The following PIAS1 variants were observed in gnomAD, a reference collection of about 807,000 sequenced individuals.
The protein encoded by PIAS1 is protein inhibitor of activated STAT 1.
Under a neutral mutation model 71.3 loss-of-function variants are expected in PIAS1, and 6 were observed. The ratio of observed to expected loss-of-function variants is 0.08; its 90% CI spans 0.05 to 0.17. The LOEUF is 0.17. Ranked by LOEUF, PIAS1 falls within the 10% of genes least tolerant of loss-of-function variation. The pLI is 1.00. For missense variants in PIAS1, 555 were observed against 793.6 expected, an observed-to-expected ratio of 0.70 and a Z score of 3.61; for synonymous variants, 303 against 292.9, an observed-to-expected ratio of 1.03 and a Z score of -0.35.
intron 11 of PIAS1, among the ~76,000 whole-genome samples, chr15:68,177,795 T>C (rs1263792947): frequency 3.3e-5 from 5 of 152,220 alleles, no homozygotes; most frequent in East Asian, 1.9e-4. Flanking sequence ...CTAATTGTGC[T>C]GAAGCACAAT....
chr15:68,067,144 G>T (rs973530968), intron 1 of PIAS1, among the ~76,000 whole-genome samples: 2 of 152,188 alleles, frequency 1.3e-5, no homozygotes, highest in African/African-American at 4.8e-5. Context: ...TGGTTCAGTT[G>T]TTCCAGTAAT....
Position 68,120,888 on chromosome 15 carries a change from G to A in PIAS1, c.470-21058G>A, listed in dbSNP as rs942017683. Among the ~76,000 whole-genome samples the A allele has an allele frequency of 9.7e-4, 147 of 152,020 alleles. 1 individual carries two copies. Among genetic ancestry groups the A allele is most frequent in the Non-Finnish European group, 4.9e-4 (33 of 67,966 alleles). The stretch of plus-strand genomic sequence containing the variant: ...CAGGCTGGTCTTGAACTCCTGACTC[G>A]GCCTCGCAAAGTGCTGGGATTACAG... On this transcript the variant is annotated intron_variant, in intron 2 of 13. Coordinates refer to ENST00000249636, the MANE Select transcript of PIAS1 (RefSeq NM_016166.3).
chr15:68,150,161 T>A (rs969993832), intron 6 of PIAS1, among the ~76,000 whole-genome samples: 1 of 152,162 alleles, frequency 6.6e-6, no homozygotes, highest in Non-Finnish European at 1.5e-5. Context: ...GAGTTCCCTT[T>A]TTCCTCCTTT....
At chr15:68,159,326 C>T (rs1446715633) in intron 7 of PIAS1, among the ~76,000 whole-genome samples, 2 of 152,040 alleles carry the variant, frequency 1.3e-5, no homozygotes, top group East Asian at 3.9e-4. Context: ...TAGTGCTTTT[C>T]CCCTCCGTTT....
chr15:68,100,246 A>G (rs1814474924), intron 2 of PIAS1, among the ~76,000 whole-genome samples: 1 of 152,216 alleles, frequency 6.6e-6, no homozygotes, highest in Non-Finnish European at 1.5e-5. Context: ...CCAAACTAGG[A>G]CATAACATTG....
rs761928156 is a variant in PIAS1, at chr15:68,176,466, C to T, written c.1301-8C>T. 1.1e-5 allele frequency: 18 copies of T among 1,566,932 alleles called. No homozygotes were observed. The South Asian group carries it at 2.1e-4, about 19-fold the overall frequency. On this transcript the variant is annotated splice_region_variant and splice_polypyrimidine_tract_variant and intron_variant, in intron 10 of 13. Coordinates refer to ENST00000249636, the MANE Select transcript of PIAS1 (RefSeq NM_016166.3). ...CCCTTGCCTTGTATTTTAATCATTC[C>T]CATATAGGATGCTTGAGCTCCACAT...
intron 1 of PIAS1, among the ~76,000 whole-genome samples, chr15:68,072,508 A>G (rs964044294): frequency 2.0e-5 from 3 of 151,828 alleles, no homozygotes; most frequent in African/African-American, 4.8e-5. Context: ...ACTATGTTGA[A>G]TGCTATAAAG....
At position 68,105,813 on chromosome 15, in the gene PIAS1, A is replaced by AT. The variant is rs1156414277; in HGVS notation, c.469+19071dup. The stretch of plus-strand genomic sequence containing the variant: ...TAGCAAAACGCCATCTCTAAAAAAA[A>AT]TTTTTTTTAAATAAATAACTAACAG... On this transcript the variant is annotated intron_variant, in intron 2 of 13. Transcript: ENST00000249636. 3.3e-5 allele frequency among the ~76,000 whole-genome samples: 5 copies of AT among 152,158 alleles called. 1 individual carries two copies. In the South Asian group the frequency reaches 8.3e-4, roughly 25 times the overall value.
In PIAS1 at chr15:68,173,434, T is replaced by G. The variant is rs2093003667; in HGVS notation, c.1009-298T>G. 6.6e-6 allele frequency among the ~76,000 whole-genome samples: 1 copy of G among 152,134 alleles called. No individual in the cohort carries two copies. The highest frequency in any genetic ancestry group is 1.5e-5 in the Non-Finnish European group (1 of 68,008). Reference sequence around the variant, plus strand: ...TGCACACACGAAATTTTGAATGTAATTCAAGGGGTTTATGACCCTCTCCAC... The same window carrying G: ...TGCACACACGAAATTTTGAATGTAAGTCAAGGGGTTTATGACCCTCTCCAC... On this transcript the variant is annotated intron_variant, in intron 8 of 13. Coordinates refer to ENST00000249636, the MANE Select transcript of PIAS1 (RefSeq NM_016166.3). The surrounding 1 kb of genome is among the most constrained non-coding windows in gnomAD (Gnocchi z 4.3).
rs1304352528 is a variant in PIAS1 at position 68,193,314 on chromosome 15, C to G, written c.*5479C>G. ...TGGGGTGTAAAGTAGATCGCTCTTC[C>G]TGCTCTCAGCTGATGCTGCCTCATT... is the stretch of plus-strand genomic sequence containing the variant. On this transcript the variant is annotated 3_prime_UTR_variant, in exon 14 of 14. Coordinates refer to ENST00000249636, the MANE Select transcript of PIAS1 (RefSeq NM_016166.3). 2 of 152,326 alleles carry G rather than the reference C, an allele frequency of 1.3e-5. No individual in the cohort carries two copies. The highest frequency in any genetic ancestry group is 3.8e-4 in the East Asian group (2 of 5,208). 9.4% of individuals were successfully genotyped at this position (152,326 alleles called of 1,614,324 possible).
Position 68,142,301 on chromosome 15 carries a change from G to C in PIAS1, c.566G>C (p.Gly189Ala). ...TCTGTCTCTTCTAGGGATATTTCTG[G>C]GACCAAATGTGACTTCACAGTACAG... Reference protein sequence around the residue: ...QQISSSMDISGTKCDFTVQVQ... With the variant: ...QQISSSMDISATKCDFTVQVQ... Residue 189 changes from glycine (G) to alanine (A), a missense_variant, in exon 4 of 14, where the codon GGG (glycine) becomes GCG (alanine). Physicochemically the swap from Gly to Ala is moderately conservative, Grantham distance 60. Coordinates refer to ENST00000249636, the MANE Select transcript of PIAS1 (RefSeq NM_016166.3). 8 of 1,605,754 alleles carry C rather than the reference G, an allele frequency of 5.0e-6. No individual in the cohort carries two copies. Among genetic ancestry groups the C allele is most frequent in the Non-Finnish European group, 6.8e-6 (8 of 1,173,196 alleles).
intron 11 of PIAS1, among the ~76,000 whole-genome samples, chr15:68,180,338 C>T (rs1448494045): frequency 1.3e-5 from 2 of 151,960 alleles, no homozygotes; most frequent in African/African-American, 2.4e-5. Flanking sequence ...CTGAAACTAT[C>T]CTTCTGCCTC....
At chr15:68,164,401 T>C (rs543182651) in intron 7 of PIAS1, among the ~76,000 whole-genome samples, 8 of 152,208 alleles carry the variant, frequency 5.3e-5, no homozygotes, top group Non-Finnish European at 1.0e-4. Flanking sequence ...TGATCCAATA[T>C]CTTAGAGTTA....
chr15:68,149,071 G>C (rs1270826271), intron 6 of PIAS1, among the ~76,000 whole-genome samples: 2 of 152,040 alleles, frequency 1.3e-5, no homozygotes, highest in African/African-American at 4.8e-5. Context: ...ACTGAGTGTG[G>C]GTGTGTTTTG....
In PIAS1 at chr15:68,178,353, C is replaced by T. The variant is rs1309150627; in HGVS notation, c.1481+1699C>T. ...GTCCATCTTGGCATACAGACAGAAA[C>T]AAAGACATTAAAAACAGTATCATCA... On this transcript the variant is annotated intron_variant, in intron 11 of 13. Coordinates refer to ENST00000249636, the MANE Select transcript of PIAS1 (RefSeq NM_016166.3). The surrounding 1 kb of genome is among the most constrained non-coding windows in gnomAD (Gnocchi z 4.2). Among the ~76,000 whole-genome samples, 1 of 152,130 alleles carries T rather than the reference C, an allele frequency of 6.6e-6. No individual in the cohort carries two copies. Among genetic ancestry groups the T allele is most frequent in the African/African-American group, 2.4e-5 (1 of 41,426 alleles).
chr15:68,182,118 A>T (rs769742359), intron 12 of PIAS1, among the ~76,000 whole-genome samples: 44 of 150,326 alleles, frequency 2.9e-4, no homozygotes, highest in Admixed American at 1.6e-3. Flanking sequence ...CTTCTTAAAA[A>T]TTTTTTTTTT....
At chr15:68,082,137 G>C (rs1210230432) in intron 1 of PIAS1, among the ~76,000 whole-genome samples, 1 of 152,112 alleles carries the variant, frequency 6.6e-6, no homozygotes, top group Non-Finnish European at 1.5e-5. Context: ...AAACTCAGTC[G>C]TAAGGGTAAA....
chr15:68,129,269 T>C (rs1467896184), intron 2 of PIAS1, among the ~76,000 whole-genome samples: 4 of 152,154 alleles, frequency 2.6e-5, no homozygotes, highest in Non-Finnish European at 5.9e-5. Context: ...GGTCTCACTA[T>C]ATTGCCCAGG....
At chr15:68,101,800 A>C (rs1386667568) in intron 2 of PIAS1, among the ~76,000 whole-genome samples, 3 of 151,876 alleles carry the variant, frequency 2.0e-5, no homozygotes, top group East Asian at 3.9e-4. Context: ...CCAGGCTGGA[A>C]TGCAGTGGCA....
Sources: allele counts gnomAD v4.1 joint callset (sites outside exome capture counted in the v4.1 genomes callset), GRCh38; gene constraint gnomAD v4.1.1; non-coding constraint Gnocchi (gnomAD v3.1); transcripts MANE v1.5; gene names NCBI Gene and HGNC (gene_info 2026-07-23, HGNC 2026-07-21).